Variants in GRK3 observed in about 807,000 individuals in gnomAD.
GRK3 encodes the protein G protein-coupled receptor kinase 3, also known as adrenergic, beta, receptor kinase 2.
A neutral mutation model predicts 95.7 loss-of-function variants in GRK3; 54 were observed. That is an observed-to-expected ratio of 0.56 (90% confidence interval 0.45 to 0.71). The LOEUF (loss-of-function observed/expected upper bound fraction) is 0.71, where lower values mean the gene tolerates loss of function less well. GRK3 is among the 30% of genes least tolerant of loss of function. GRK3 has a pLI of 0.00. For synonymous variants in GRK3, 281 were observed against 290.8 expected, an observed-to-expected ratio of 0.97 and a Z score of 0.34; for missense variants, 649 against 851.2, an observed-to-expected ratio of 0.76 and a Z score of 2.96.
chr22:25,679,215 CA>C (rs2085055886), intron 9 of GRK3, among the ~76,000 whole-genome samples: 1 of 152,148 alleles, frequency 6.6e-6, no homozygotes, highest in Non-Finnish European at 1.5e-5. Flanking sequence ...GGAATATAGT[CA>C]AGACCTGACT....
chr22:25,609,467 G>A (rs961930089), intron 2 of GRK3, among the ~76,000 whole-genome samples: 3 of 151,996 alleles, frequency 2.0e-5, no homozygotes, highest in Admixed American at 1.3e-4. Flanking sequence ...AAGTAGCTGG[G>A]ATTACAGTCA....
At chr22:25,712,925 G>A (rs1052829004) in intron 17 of GRK3, among the ~76,000 whole-genome samples, 27 of 152,352 alleles carry the variant, frequency 1.8e-4, no homozygotes, top group Admixed American at 7.8e-4. Flanking sequence ...CCAGCAGGGA[G>A]GGCAGGGGAC....
At chr22:25,710,319 T>C (rs2085334329) in intron 16 of GRK3, among the ~76,000 whole-genome samples, 1 of 152,248 alleles carries the variant, frequency 6.6e-6, no homozygotes, top group African/African-American at 2.4e-5. Context: ...TCTTCTTGAA[T>C]TCTTATCTCA....
intron 8 of GRK3, among the ~76,000 whole-genome samples, chr22:25,677,367 C>A (rs2085038358): frequency 1.7e-5 from 2 of 114,404 alleles, no homozygotes; most frequent in African/African-American, 7.0e-5. Flanking sequence ...CAGAATGAGA[C>A]CCCATATCTT....
chr22:25,628,198 A>C (rs944444497), intron 2 of GRK3, among the ~76,000 whole-genome samples: 1 of 152,242 alleles, frequency 6.6e-6, no homozygotes, highest in African/African-American at 2.4e-5. Flanking sequence ...TAAAGAACAC[A>C]CTTTTGGTAT....
chr22:25,719,093 A>G (rs1213147097), intron 19 of GRK3, among the ~76,000 whole-genome samples: 4 of 152,164 alleles, frequency 2.6e-5, no homozygotes, highest in Middle Eastern at 3.2e-3. Flanking sequence ...GGCAGATTAT[A>G]CATTTATTAT....
In GRK3 at chr22:25,623,673, G is replaced by A. The variant is rs138910031; in HGVS notation, c.190+19220G>A. ...ACGCACATATGCACATGCACACCTG[G>A]TGTCCTTTCCTCCCTTTCTATTGAC... On this transcript the variant is annotated intron_variant, in intron 2 of 20. Coordinates refer to ENST00000324198, the MANE Select transcript of GRK3 (RefSeq NM_005160.4). Among the ~76,000 whole-genome samples, 9 of 152,210 alleles carry A rather than the reference G, an allele frequency of 5.9e-5. No individual in the cohort carries two copies. In the East Asian group the frequency reaches 1.7e-3, roughly 29 times the overall value.
intron 2 of GRK3, among the ~76,000 whole-genome samples, chr22:25,641,350 CCT>C (rs1355315560): frequency 6.6e-6 from 1 of 152,102 alleles, no homozygotes; most frequent in Non-Finnish European, 1.5e-5. Flanking sequence ...GACTTCCCTC[CCT>C]CTCCTTGTAC....
At chr22:25,669,643 C>G (rs2084965866) in intron 6 of GRK3, among the ~76,000 whole-genome samples, 1 of 152,186 alleles carries the variant, frequency 6.6e-6, no homozygotes, top group African/African-American at 2.4e-5. Flanking sequence ...AGTAACCAGG[C>G]ATTGATTGGG....
At chr22:25,638,271 A>G (rs1443969860) in intron 2 of GRK3, among the ~76,000 whole-genome samples, 1 of 152,214 alleles carries the variant, frequency 6.6e-6, no homozygotes, top group Admixed American at 6.5e-5. Context: ...AAATACCATC[A>G]TGTAAAGTTA....
intron 2 of GRK3, among the ~76,000 whole-genome samples, chr22:25,631,980 T>C (rs539050499): frequency 2.0e-4 from 30 of 152,192 alleles, no homozygotes; most frequent in Non-Finnish European, 3.5e-4. Context: ...AACTGAACAT[T>C]TGGGTTGTTT....
chr22:25,569,998 G>T lies in GRK3; in HGVS notation c.113+4845G>T, dbSNP rs554207604. ...CGGGGTCTTTCCCCGCCCAGGCAGG[G>T]TCTTGCTGGGCTGCCCCACCAAAAA... is the stretch of plus-strand genomic sequence containing the variant. On this transcript the variant is annotated intron_variant, in intron 1 of 20. Transcript: ENST00000324198. 1.3e-4 allele frequency among the ~76,000 whole-genome samples: 20 copies of T among 152,338 alleles called. No individual in the cohort carries two copies. In the East Asian group the frequency reaches 3.3e-3, roughly 25 times the overall value.
intron 5 of GRK3, among the ~76,000 whole-genome samples, chr22:25,666,609 G>A (rs2084943613): frequency 6.6e-6 from 1 of 152,064 alleles, no homozygotes; most frequent in African/African-American, 2.4e-5. Flanking sequence ...TTGCCCGCCA[G>A]GCTAGCGTCC....
At position 25,725,127 on chromosome 22, in the gene GRK3, T is replaced by C. The variant is rs1295920471; in HGVS notation, c.*2677T>C. On this transcript the variant is annotated 3_prime_UTR_variant, in exon 21 of 21. Transcript: ENST00000324198. Reference sequence around the variant, plus strand: ...CTGGAATTAGAGATGTAAGCCACCATGCCCAGCCATAGTACTTGGATGTTT... The same window carrying C: ...CTGGAATTAGAGATGTAAGCCACCACGCCCAGCCATAGTACTTGGATGTTT... The C allele has an allele frequency of 3.3e-5, 5 of 153,242 alleles. No individual in the cohort carries two copies. Among genetic ancestry groups the C allele is most frequent in the African/African-American group, 1.2e-4 (5 of 41,492 alleles). The allele number at this position is 153,242 out of a possible 1,614,324, so 9.5% of individuals were successfully genotyped here.
intron 8 of GRK3, among the ~76,000 whole-genome samples, chr22:25,674,731 C>T (rs3730106): frequency 0.016 from 2,400 of 152,188 alleles, 32 homozygotes; most frequent in Middle Eastern, 0.065. Context: ...GGGTGGATCA[C>T]GAGGTCAGGA....
chr22:25,593,234 G>T (rs1932558140), intron 1 of GRK3, among the ~76,000 whole-genome samples: 1 of 151,452 alleles, frequency 6.6e-6, no homozygotes, highest in Non-Finnish European at 1.5e-5. Context: ...GTACTTCTTT[G>T]TTAAGTTTTT....
chr22:25,719,017 T>C (rs1361650515), intron 19 of GRK3, among the ~76,000 whole-genome samples: 6 of 152,222 alleles, frequency 3.9e-5, no homozygotes. Flanking sequence ...GAAGGTTATA[T>C]GCAAATACGA....
intron 12 of GRK3, among the ~76,000 whole-genome samples, chr22:25,694,220 T>C (rs2085188778): frequency 6.6e-6 from 1 of 152,170 alleles, no homozygotes; most frequent in Non-Finnish European, 1.5e-5. Context: ...TGTCATCTGA[T>C]TACCCATTTT....
At chr22:25,677,396 AAAAAAGAAAAGGAAAAAAAAAGAAAAG>A (rs2085039472) in intron 8 of GRK3, among the ~76,000 whole-genome samples, 1 of 150,750 alleles carries the variant, frequency 6.6e-6, no homozygotes, top group African/African-American at 2.4e-5. Flanking sequence ...AAAAAAAAAA[AAAAAAGAAAAGGAAAAAAAAAGAAAAG>A]AAATCAACTC....
Sources: gnomAD v4.1 joint callset for allele counts (sites outside exome capture counted in the v4.1 genomes callset) on GRCh38, gnomAD v4.1.1 for gene constraint, MANE v1.5 for transcripts, NCBI Gene and HGNC (gene_info 2026-07-23, HGNC 2026-07-21) for gene names.